The following MACROD2 variants were observed in gnomAD, a reference collection of about 807,000 sequenced individuals.
MACROD2 encodes mono-ADP ribosylhydrolase 2.
A neutral mutation model predicts 70.4 loss-of-function variants in MACROD2; 36 were observed. The observed-to-expected ratio is 0.51, with a 90% CI of 0.39 to 0.68. The LOEUF (loss-of-function observed/expected upper bound fraction) is 0.68. Among genes scored for constraint, MACROD2 ranks in the 30% least tolerant of loss-of-function variants. The probability of loss-of-function intolerance (pLI) is 0.00; values close to 1 mark genes in which losing one functional copy is unlikely to be tolerated. For synonymous variants in MACROD2, 172 were observed against 178.8 expected (o/e 0.96, Z 0.30); for missense variants, 496 against 538.4 (o/e 0.92, Z 0.78).
chr20:15,480,752 T>A (rs775427009), intron 7 of MACROD2, among the ~76,000 whole-genome samples: 30 of 152,270 alleles, frequency 2.0e-4, no homozygotes, highest in Non-Finnish European at 4.1e-4. Flanking sequence ...CCACTCCCTT[T>A]TTTCCCCACC....
chr20:14,412,293 A>G (rs1296043701), intron 3 of MACROD2, among the ~76,000 whole-genome samples: 1 of 152,122 alleles, frequency 6.6e-6, no homozygotes, highest in East Asian at 1.9e-4. Context: ...TTTTATCTTG[A>G]TATTTCTCTG....
At chr20:14,747,635 T>A (rs1600620433) in intron 5 of MACROD2, among the ~76,000 whole-genome samples, 1 of 152,240 alleles carries the variant, frequency 6.6e-6, no homozygotes, top group African/African-American at 2.4e-5. Flanking sequence ...CCATTTTTTT[T>A]GCCCCTGAGG....
intron 3 of MACROD2, among the ~76,000 whole-genome samples, chr20:14,089,591 C>T (rs1003249014): frequency 6.6e-6 from 1 of 152,028 alleles, no homozygotes; most frequent in African/African-American, 2.4e-5. Context: ...CCAGGGTGGA[C>T]TTCTTGTGTA....
At chr20:15,801,979 C>T (rs1206951521) in intron 8 of MACROD2, among the ~76,000 whole-genome samples, 1 of 151,918 alleles carries the variant, frequency 6.6e-6, no homozygotes, top group Non-Finnish European at 1.5e-5. Context: ...AATTGAATTG[C>T]TTTCTTGATT....
At chr20:15,165,840 C>T (rs553840583) in intron 5 of MACROD2, among the ~76,000 whole-genome samples, 20 of 151,788 alleles carry the variant, frequency 1.3e-4, no homozygotes, top group South Asian at 6.2e-4. Flanking sequence ...ATAATTTTAC[C>T]GTATCAAAAA....
At chr20:14,622,441 G>T (rs1983886227) in intron 4 of MACROD2, among the ~76,000 whole-genome samples, 3 of 152,180 alleles carry the variant, frequency 2.0e-5, no homozygotes, top group African/African-American at 7.2e-5. Context: ...ACATAGGATA[G>T]ATTTGTTTGC....
At chr20:14,372,894 C>T (rs946827820) in intron 3 of MACROD2, among the ~76,000 whole-genome samples, 31 of 152,126 alleles carry the variant, frequency 2.0e-4, no homozygotes, top group African/African-American at 7.2e-4. Flanking sequence ...CTTATTCTAC[C>T]ATGGCTTTAT....
At chr20:14,178,506 G>C (rs542919646) in intron 3 of MACROD2, among the ~76,000 whole-genome samples, 1 of 152,170 alleles carries the variant, frequency 6.6e-6, no homozygotes, top group Admixed American at 6.5e-5. Context: ...TTTGTGTTCT[G>C]CTCATTTGTG....
At chr20:15,263,910 A>C (rs905398527) in intron 6 of MACROD2, among the ~76,000 whole-genome samples, 1 of 152,054 alleles carries the variant, frequency 6.6e-6, no homozygotes, top group Non-Finnish European at 1.5e-5. Flanking sequence ...GAATTTGTTT[A>C]TCAGTTCTAA....
intron 5 of MACROD2, among the ~76,000 whole-genome samples, chr20:15,203,806 C>A (rs932757370): frequency 1.3e-5 from 2 of 152,018 alleles, no homozygotes; most frequent in Non-Finnish European, 2.9e-5. Context: ...AGCAAAATCT[C>A]CACTCACTGA....
chr20:15,368,132 A>C (rs778093818), intron 6 of MACROD2, among the ~76,000 whole-genome samples: 2 of 152,232 alleles, frequency 1.3e-5, no homozygotes, highest in African/African-American at 4.8e-5. Context: ...TATAAAATGC[A>C]TTCATAAACT....
chr20:14,028,740 C>T (rs1195871207), intron 2 of MACROD2, among the ~76,000 whole-genome samples: 1 of 152,138 alleles, frequency 6.6e-6, no homozygotes, highest in Admixed American at 6.6e-5. Context: ...GCTCGCCCTC[C>T]CTCTGTCAAC....
At chr20:14,666,781 C>T (rs139380349) in intron 4 of MACROD2, among the ~76,000 whole-genome samples, 10 of 151,778 alleles carry the variant, frequency 6.6e-5, no homozygotes, top group African/African-American at 2.4e-4. Flanking sequence ...TTAGTGAATT[C>T]TTTAAAAACT....
chr20:14,914,721 T>C (rs2074069977), intron 5 of MACROD2, among the ~76,000 whole-genome samples: 2 of 152,228 alleles, frequency 1.3e-5, no homozygotes, highest in Non-Finnish European at 2.9e-5. Context: ...TAAATCTATA[T>C]ATCTGAGTTT....
chr20:14,149,568 T>TC (rs2054989397), intron 3 of MACROD2, among the ~76,000 whole-genome samples: 2 of 152,198 alleles, frequency 1.3e-5, no homozygotes, highest in South Asian at 4.1e-4. Flanking sequence ...CAAACTGCTT[T>TC]CCCCAGTGGC....
intron 7 of MACROD2, among the ~76,000 whole-genome samples, chr20:15,495,947 A>T (rs1199355616): frequency 6.6e-6 from 1 of 152,246 alleles, no homozygotes; most frequent in African/African-American, 2.4e-5. Flanking sequence ...GAAAGAGGAA[A>T]GAGCATGAGC....
At chr20:14,464,313 T>G (rs908203233) in intron 3 of MACROD2, among the ~76,000 whole-genome samples, 4 of 152,156 alleles carry the variant, frequency 2.6e-5, no homozygotes, top group Admixed American at 2.6e-4. Context: ...TTTTCTAGTT[T>G]ATTTGCGTAG....
chr20:14,177,412 G>A (rs1286823029), intron 3 of MACROD2, among the ~76,000 whole-genome samples: 2 of 151,800 alleles, frequency 1.3e-5, no homozygotes, highest in South Asian at 4.2e-4. Flanking sequence ...CACCTCCTGG[G>A]TTCAAGCAAT....
At chr20:14,633,107 T>C (rs1984602504) in intron 4 of MACROD2, among the ~76,000 whole-genome samples, 1 of 152,252 alleles carries the variant, frequency 6.6e-6, no homozygotes, top group South Asian at 2.1e-4. Flanking sequence ...TTCCTGCCAG[T>C]AGTGGCCACT....
Sources: allele counts gnomAD v4.1 joint callset (sites outside exome capture counted in the v4.1 genomes callset), GRCh38; gene constraint gnomAD v4.1.1; transcripts MANE v1.5; gene names NCBI Gene and HGNC (gene_info 2026-07-23, HGNC 2026-07-21).